Variants in FBXL7 observed in about 807,000 individuals in gnomAD.
The protein encoded by FBXL7 is F-box/LRR-repeat protein 7.
FBXL7 carries 12 observed loss-of-function variants against 38.3 expected under a neutral mutation model. That is an observed-to-expected ratio of 0.31 (90% CI 0.20 to 0.51). The LOEUF is 0.51. Ranked by LOEUF, FBXL7 falls within the 20% of genes least tolerant of loss-of-function variation. The pLI, the probability that FBXL7 is intolerant of heterozygous loss-of-function variation, is 0.98. For synonymous variants in FBXL7, 297 were observed against 300.9 expected (o/e 0.99, Z 0.13); for missense variants, 567 against 676.4 (o/e 0.84, Z 1.79).
chr5:15,818,182 G>A (rs1738072295), intron 2 of FBXL7, among the ~76,000 whole-genome samples: 1 of 152,044 alleles, frequency 6.6e-6, no homozygotes, highest in Non-Finnish European at 1.5e-5. Flanking sequence ...TAAAATCTGA[G>A]AAAACACTTT....
At chr5:15,505,472 A>G (rs1178648271) in intron 1 of FBXL7, among the ~76,000 whole-genome samples, 1 of 152,140 alleles carries the variant, frequency 6.6e-6, no homozygotes, top group Non-Finnish European at 1.5e-5. Flanking sequence ...TTCTTAGGAT[A>G]AGTCAGTAAA....
intron 1 of FBXL7, among the ~76,000 whole-genome samples, chr5:15,513,076 G>A (rs1736844888): frequency 6.6e-6 from 1 of 152,022 alleles, no homozygotes; most frequent in South Asian, 2.1e-4. Flanking sequence ...TGGTGTGATT[G>A]GAATGGTGTC....
chr5:15,804,054 G>A (rs1737641811), intron 2 of FBXL7, among the ~76,000 whole-genome samples: 2 of 152,138 alleles, frequency 1.3e-5, no homozygotes, highest in East Asian at 1.9e-4. Flanking sequence ...ATTTATGACT[G>A]TCCCTTCTGA....
intron 2 of FBXL7, among the ~76,000 whole-genome samples, chr5:15,671,157 C>T (rs1455059163): frequency 6.6e-6 from 1 of 152,156 alleles, no homozygotes; most frequent in African/African-American, 2.4e-5. Context: ...GCTCCTCCCA[C>T]TTTTGTAGTG....
intron 1 of FBXL7, among the ~76,000 whole-genome samples, chr5:15,506,697 G>A (rs111999309): frequency 9.9e-5 from 15 of 151,854 alleles, no homozygotes; most frequent in African/African-American, 3.6e-4. Flanking sequence ...TTGTATTCTT[G>A]CATGGCTGTG....
intron 1 of FBXL7, among the ~76,000 whole-genome samples, chr5:15,535,908 T>G (rs1737570717): frequency 6.6e-6 from 1 of 152,250 alleles, no homozygotes; most frequent in South Asian, 2.1e-4. Context: ...TCAGATATCT[T>G]CAAGGCAGCC....
At chr5:15,665,375 TCTCTA>T (rs1173022872) in intron 2 of FBXL7, among the ~76,000 whole-genome samples, 1 of 152,186 alleles carries the variant, frequency 6.6e-6, no homozygotes, top group Non-Finnish European at 1.5e-5. Context: ...ACGTGATTTC[TCTCTA>T]CCTATCTATA....
intron 2 of FBXL7, among the ~76,000 whole-genome samples, chr5:15,754,478 G>C (rs1308563916): frequency 6.6e-6 from 1 of 152,162 alleles, no homozygotes; most frequent in Non-Finnish European, 1.5e-5. Context: ...TTGGACTGAT[G>C]AGATCAGTGT....
intron 2 of FBXL7, among the ~76,000 whole-genome samples, chr5:15,808,135 A>G (rs1276569580): frequency 6.6e-6 from 1 of 151,012 alleles, no homozygotes; most frequent in Non-Finnish European, 1.5e-5. Flanking sequence ...CTAATTTATG[A>G]TTTTTTTTTC....
intron 1 of FBXL7, among the ~76,000 whole-genome samples, chr5:15,569,370 C>G (rs1201056045): frequency 6.6e-6 from 1 of 150,622 alleles, no homozygotes; most frequent in African/African-American, 2.4e-5. Context: ...TGGGAGTTCA[C>G]TCATGATTTG....
chr5:15,697,581 A>G (rs939313623), intron 2 of FBXL7, among the ~76,000 whole-genome samples: 8 of 151,916 alleles, frequency 5.3e-5, no homozygotes, highest in African/African-American at 1.5e-4. Context: ...TCTAGATTCA[A>G]GGAGACAAAT....
At chr5:15,515,486 C>G (rs1159803762) in intron 1 of FBXL7, among the ~76,000 whole-genome samples, 1 of 152,146 alleles carries the variant, frequency 6.6e-6, no homozygotes, top group Non-Finnish European at 1.5e-5. Context: ...TCCGTTTGCT[C>G]AACTGGTGTG....
intron 2 of FBXL7, among the ~76,000 whole-genome samples, chr5:15,637,801 A>T (rs1580425659): frequency 6.6e-6 from 1 of 152,220 alleles, no homozygotes. Context: ...TCCATTCTTC[A>T]TAGTAGAGAT....
At chr5:15,564,378 CTGTG>C (rs33993480) in intron 1 of FBXL7, among the ~76,000 whole-genome samples, 14,051 of 147,258 alleles carry the variant, frequency 0.095, 671 homozygotes, top group East Asian at 0.12. Context: ...TCAGTAATAT[CTGTG>C]TGTGTGTGTG....
At chr5:15,887,110 A>G (rs113163860) in intron 2 of FBXL7, among the ~76,000 whole-genome samples, 12 of 152,214 alleles carry the variant, frequency 7.9e-5, no homozygotes, top group Admixed American at 2.6e-4. Flanking sequence ...AATCGTTTAT[A>G]TATGGGATGA....
intron 2 of FBXL7, among the ~76,000 whole-genome samples, chr5:15,672,845 A>T (rs1418585085): frequency 6.6e-6 from 1 of 151,258 alleles, no homozygotes; most frequent in Non-Finnish European, 1.5e-5. Context: ...ATGAGCCACC[A>T]CACCCGGCCT....
At chr5:15,652,011 T>C (rs1741724730) in intron 2 of FBXL7, among the ~76,000 whole-genome samples, 1 of 152,224 alleles carries the variant, frequency 6.6e-6, no homozygotes, top group South Asian at 2.1e-4. Context: ...TAGAAACAGC[T>C]TCTTTCCTTA....
At chr5:15,927,544 G>T (rs939481239) in intron 2 of FBXL7, among the ~76,000 whole-genome samples, 12 of 152,194 alleles carry the variant, frequency 7.9e-5, no homozygotes, top group African/African-American at 2.9e-4. Context: ...GGCCAAGGCG[G>T]GCGGATGACC....
rs193035553 is a variant in FBXL7 at position 15,662,593 on chromosome 5, G to C, written c.127+46521G>C. Among the ~76,000 whole-genome samples, 302 of 152,258 alleles carry C rather than the reference G, an allele frequency of 2.0e-3. 1 individual carries two copies. The highest frequency in any genetic ancestry group is 3.2e-3 in the Non-Finnish European group (215 of 68,010). Reference sequence around the variant, plus strand: ...TTTGCTTGTTCCTATGTCCAGAATAGTATTGCCTAGATTGTCTTCCAGGGT... The same window carrying C: ...TTTGCTTGTTCCTATGTCCAGAATACTATTGCCTAGATTGTCTTCCAGGGT... On this transcript the variant is annotated intron_variant, in intron 2 of 3. Transcript: ENST00000504595.
Sources: allele counts gnomAD v4.1 joint callset (sites outside exome capture counted in the v4.1 genomes callset), GRCh38; gene constraint gnomAD v4.1.1; transcripts MANE v1.5; gene names NCBI Gene and HGNC (gene_info 2026-07-23, HGNC 2026-07-21).